The following SFMBT1 variants were observed in gnomAD, a reference collection of about 807,000 sequenced individuals.
SFMBT1 encodes scm-like with four MBT domains protein 1.
Under a neutral mutation model 108.7 loss-of-function variants are expected in SFMBT1, and 32 were observed. That is an observed-to-expected ratio of 0.29 (90% CI 0.22 to 0.40). SFMBT1 has a LOEUF of 0.40. SFMBT1 is among the 10% of genes least tolerant of loss of function. The pLI is 1.00. For missense variants in SFMBT1, 816 were observed against 1,059.6 expected (o/e 0.77, Z 3.19); for synonymous variants, 348 against 369.5 (o/e 0.94, Z 0.67).
At chr3:53,006,427 A>G (rs1361758353) in intron 1 of SFMBT1, among the ~76,000 whole-genome samples, 5 of 152,092 alleles carry the variant, frequency 3.3e-5, no homozygotes, top group African/African-American at 1.2e-4. Context: ...TCAGGAGCTC[A>G]AGACCAGCCT....
intron 1 of SFMBT1, among the ~76,000 whole-genome samples, chr3:53,001,925 TCACA>T (rs59572829): frequency 0.22 from 28,159 of 129,134 alleles, 4,680 homozygotes; most frequent in East Asian, 0.42. Context: ...ACCCAGTCTC[TCACA>T]CACACACACA....
intron 4 of SFMBT1, 41 bp downstream of exon 4, chr3:52,943,311 CA>C (rs1206336598): frequency 1.9e-6 from 3 of 1,612,184 alleles, no homozygotes; most frequent in Non-Finnish European, 2.5e-6. Flanking sequence ...AATTTTCTTA[CA>C]GTAAAATCAC....
chr3:52,960,444 T>C (rs908016716), intron 2 of SFMBT1, among the ~76,000 whole-genome samples: 1 of 152,082 alleles, frequency 6.6e-6, no homozygotes, highest in Non-Finnish European at 1.5e-5. Flanking sequence ...TACAATGAAA[T>C]GCCATTTCAC....
At chr3:52,958,794 A>G (rs1369596590) in intron 2 of SFMBT1, among the ~76,000 whole-genome samples, 1 of 152,180 alleles carries the variant, frequency 6.6e-6, no homozygotes, top group East Asian at 1.9e-4. Flanking sequence ...CCAAAGGAAT[A>G]TAAATCATTC....
At chr3:52,979,886 A>C (rs1704650620) in intron 1 of SFMBT1, among the ~76,000 whole-genome samples, 1 of 152,180 alleles carries the variant, frequency 6.6e-6, no homozygotes, top group African/African-American at 2.4e-5. Context: ...GCAATAAAAT[A>C]AATACAACTG....
At position 52,928,349 on chromosome 3, in the gene SFMBT1, T is replaced by G. The variant is rs186471100; in HGVS notation, c.898-8A>C. On this transcript the variant is annotated splice_region_variant and splice_polypyrimidine_tract_variant and intron_variant, in intron 8 of 20. Transcript: ENST00000394752. ...GTACTTCTCATCAAAAACCTATACA[T>G]GCAATTAATAGATGAAATAGACAAA... 863 of 1,612,546 alleles carry G rather than the reference T, an allele frequency of 5.4e-4. 4 individuals are homozygous for G. The highest frequency in any genetic ancestry group is 4.2e-4 in the South Asian group (38 of 91,044).
At position 52,905,161 on chromosome 3, in the gene SFMBT1, G is replaced by A; in HGVS notation, c.2576C>T (p.Ala859Val). ...TCAGTTGGCAAACTGCTCATAAAAAGCAAACTTGATCCTCTCTATGTGATG... is the reference window on the plus strand; with the variant it reads ...TCAGTTGGCAAACTGCTCATAAAAAACAAACTTGATCCTCTCTATGTGATG... ...LCHHIERIKFAFYEQFAN is the reference protein window; with the variant it reads ...LCHHIERIKFVFYEQFAN Residue 859 changes from alanine (A) to valine (V), a missense_variant, in exon 21 of 21, where the codon GCT (alanine) becomes GTT (valine). Transcript: ENST00000394752. 1.9e-6 allele frequency: 3 copies of A among 1,613,820 alleles called. No homozygotes were observed. The highest frequency in any genetic ancestry group is 2.5e-6 in the Non-Finnish European group (3 of 1,179,872).
intron 3 of SFMBT1, among the ~76,000 whole-genome samples, chr3:52,943,810 T>C (rs1703271921): frequency 6.6e-6 from 1 of 152,204 alleles, no homozygotes; most frequent in South Asian, 2.1e-4. Context: ...AGGAACTCAA[T>C]ATTTTCACCA....
intron 4 of SFMBT1, among the ~76,000 whole-genome samples, chr3:52,937,417 G>T (rs1703047016): frequency 6.6e-6 from 1 of 152,066 alleles, no homozygotes; most frequent in African/African-American, 2.4e-5. Context: ...TTTAGGAATT[G>T]CTTTCTAAAC....
Position 52,904,838 on chromosome 3 carries a change from G to T in SFMBT1, c.*298C>A. The T allele has an allele frequency of 3.9e-6, 1 of 258,766 alleles. No homozygotes were observed. The highest frequency in any genetic ancestry group is 7.3e-6 in the Non-Finnish European group (1 of 137,084). The allele number at this position is 258,766 out of a possible 1,614,324, so 16.0% of individuals were successfully genotyped here. A position where few individuals can be genotyped will look rare whatever the true frequency, so the allele number is the denominator to read the frequency against. ...CAGCCTAGGTTATTCTTTGTTTTCA[G>T]GCCACACCACTGGAAATGCTTTTCT... is the stretch of plus-strand genomic sequence containing the variant. On this transcript the variant is annotated 3_prime_UTR_variant, in exon 21 of 21. Coordinates refer to ENST00000394752, the MANE Select transcript of SFMBT1 (RefSeq NM_016329.4).
At chr3:52,974,558 T>C (rs774213057) in intron 1 of SFMBT1, among the ~76,000 whole-genome samples, 42 of 152,214 alleles carry the variant, frequency 2.8e-4, no homozygotes, top group African/African-American at 7.2e-5. Flanking sequence ...TATTGTTTCA[T>C]TAAGTTGTTT....
chr3:52,910,845 A>G (rs1351112892), intron 17 of SFMBT1, among the ~76,000 whole-genome samples, 158 bp downstream of exon 17: 1 of 152,238 alleles, frequency 6.6e-6, no homozygotes, highest in Non-Finnish European at 1.5e-5. Context: ...TGTGACAGAA[A>G]GCATATGACC....
chr3:53,006,879 G>C (rs1265405406), intron 1 of SFMBT1, among the ~76,000 whole-genome samples: 1 of 152,176 alleles, frequency 6.6e-6, no homozygotes, highest in Non-Finnish European at 1.5e-5. Flanking sequence ...TATTTCACAA[G>C]TGAGGAATTG....
In SFMBT1 at chr3:53,040,741, TCAA is replaced by T. The variant is rs547428986; in HGVS notation, c.-131+5072_-131+5074del. Reference sequence around the variant, plus strand: ...TGGCTCACTGAAGTTACTCAACTGTTCAAACCACAGAGTTCAACAGGTACTTAA... The same window carrying T: ...TGGCTCACTGAAGTTACTCAACTGTTACCACAGAGTTCAACAGGTACTTAA... On this transcript the variant is annotated intron_variant, in intron 1 of 20. Transcript: ENST00000394752. Among the ~76,000 whole-genome samples, 141 of 152,232 alleles carry T rather than the reference TCAA, an allele frequency of 9.3e-4. 1 individual carries two copies. Among genetic ancestry groups the T allele is most frequent in the South Asian group, 1.7e-3 (8 of 4,828 alleles).
chr3:52,992,870 GC>G (rs1460076218), intron 1 of SFMBT1, among the ~76,000 whole-genome samples: 2 of 152,158 alleles, frequency 1.3e-5, no homozygotes, highest in Non-Finnish European at 2.9e-5. Flanking sequence ...CAGGGTCTGG[GC>G]CCCACCTTCA....
chr3:52,938,778 C>A (rs1470412824), intron 4 of SFMBT1, among the ~76,000 whole-genome samples: 2 of 152,082 alleles, frequency 1.3e-5, no homozygotes. Flanking sequence ...TCCCTTACAA[C>A]CATCATTTAG....
At chr3:52,982,083 T>C (rs952392041) in intron 1 of SFMBT1, among the ~76,000 whole-genome samples, 1 of 151,996 alleles carries the variant, frequency 6.6e-6, no homozygotes, top group Non-Finnish European at 1.5e-5. Context: ...CCAAAACTGG[T>C]GAAGGGCGTC....
chr3:52,984,726 C>CTGTGTGTGTGTGTGTGTGTG (rs57308874), intron 1 of SFMBT1, among the ~76,000 whole-genome samples: 27 of 140,240 alleles, frequency 1.9e-4, no homozygotes, highest in African/African-American at 7.0e-4. Flanking sequence ...ATACTAAATA[C>CTGTGTGTGTGTGTGTGTGTG]TGTGTGTGTG....
chr3:53,033,681 C>A (rs535528150), intron 1 of SFMBT1, among the ~76,000 whole-genome samples: 1 of 151,818 alleles, frequency 6.6e-6, no homozygotes, highest in Admixed American at 6.6e-5. Context: ...TCATACCTCA[C>A]CCTCTAAACT....
Sources: allele counts gnomAD v4.1 joint callset (sites outside exome capture counted in the v4.1 genomes callset), GRCh38; gene constraint gnomAD v4.1.1; transcripts MANE v1.5; gene names NCBI Gene and HGNC (gene_info 2026-07-23, HGNC 2026-07-21).